The following ATR variants were observed in gnomAD, a reference collection of about 807,000 sequenced individuals.
The protein encoded by ATR is serine/threonine-protein kinase ATR.
In ATR, 142 loss-of-function variants were observed where a neutral mutation model predicts 305.3. That is an observed-to-expected ratio of 0.47 (90% CI 0.41 to 0.53). The LOEUF (loss-of-function observed/expected upper bound fraction) is 0.53. ATR is among the 20% of genes least tolerant of loss of function. ATR has a pLI of 0.00. For synonymous variants in ATR, 1,050 were observed against 1,068.1 expected, an observed-to-expected ratio of 0.98 and a Z score of 0.33; for missense variants, 2,135 against 3,133.1, an observed-to-expected ratio of 0.68 and a Z score of 7.60.
At chr3:142,449,942 A>G (rs2070748912) in intron 46 of ATR, 1 of 371,502 alleles carries the variant, frequency 2.7e-6, no homozygotes, top group Admixed American at 3.9e-5. Flanking sequence ...TATTCAAATA[A>G]CAATGCTGTA....
intron 21 of ATR, among the ~76,000 whole-genome samples, chr3:142,524,402 T>C (rs1227940104): frequency 6.6e-6 from 1 of 152,238 alleles, no homozygotes; most frequent in Non-Finnish European, 1.5e-5. Context: ...TTAGAATCAT[T>C]AAATGTCTGA....
intron 42 of ATR, among the ~76,000 whole-genome samples, chr3:142,460,102 G>A (rs868721814): frequency 6.6e-6 from 1 of 152,068 alleles, no homozygotes; most frequent in Non-Finnish European, 1.5e-5. Flanking sequence ...TGACTCAAGT[G>A]TCTCTGAGTT....
At chr3:142,512,540 G>C (rs2108373167) in intron 26 of ATR, 70 bp from the exon 27 acceptor site, 1 of 1,310,248 alleles carries the variant, frequency 7.6e-7, no homozygotes. Flanking sequence ...GACATCTAAA[G>C]CTAACCATTC....
At chr3:142,554,307 A>G (rs2034584108) in intron 10 of ATR, among the ~76,000 whole-genome samples, 1 of 152,014 alleles carries the variant, frequency 6.6e-6, no homozygotes, top group Non-Finnish European at 1.5e-5. Flanking sequence ...TGCAGCATGC[A>G]GCCCTGACCT....
intron 21 of ATR, among the ~76,000 whole-genome samples, chr3:142,526,408 C>G (rs1458737601): frequency 6.6e-6 from 1 of 151,832 alleles, no homozygotes; most frequent in Non-Finnish European, 1.5e-5. Flanking sequence ...CCCTAAATTC[C>G]TTAGCCAATA....
chr3:142,533,922 G>A (rs1034884432), intron 21 of ATR, among the ~76,000 whole-genome samples: 1 of 151,914 alleles, frequency 6.6e-6, no homozygotes, highest in African/African-American at 2.4e-5. Context: ...TGAGGCAGCT[G>A]CAGCTTTCCT....
intron 36 of ATR, among the ~76,000 whole-genome samples, chr3:142,481,741 C>T (rs539561036): frequency 6.6e-6 from 1 of 152,108 alleles, no homozygotes; most frequent in African/African-American, 2.4e-5. Context: ...CCTTCCATTT[C>T]AGCATCCCAA....
chr3:142,548,454 C>G (rs2034350148), intron 15 of ATR, among the ~76,000 whole-genome samples: 1 of 152,020 alleles, frequency 6.6e-6, no homozygotes, highest in Admixed American at 6.6e-5. Flanking sequence ...GGATCACTTG[C>G]AGCCAGGAGT....
At chr3:142,549,187 T>C (rs2034386765) in intron 15 of ATR, among the ~76,000 whole-genome samples, 1 of 152,166 alleles carries the variant, frequency 6.6e-6, no homozygotes, top group African/African-American at 2.4e-5. Flanking sequence ...GTATCATCAG[T>C]CAACTTATAA....
chr3:142,553,401 A>G lies in ATR; in HGVS notation c.2634-3T>C, dbSNP rs2034547976. On this transcript the variant is annotated splice_polypyrimidine_tract_variant and splice_region_variant and intron_variant, in intron 12 of 46. Coordinates refer to ENST00000350721, the MANE Select transcript of ATR (RefSeq NM_001184.4). ...GTACCAAATCTCCTTTTGCGGCCCT[A>G]AAATTAAAAACAACATACATATGAA... is the stretch of plus-strand genomic sequence containing the variant. 6.2e-7 allele frequency: 1 copy of G among 1,612,860 alleles called. No homozygotes were observed. The highest frequency in any genetic ancestry group is 1.3e-5 in the African/African-American group (1 of 74,834).
intron 35 of ATR, among the ~76,000 whole-genome samples, chr3:142,487,143 ATAT>A (rs1296029207): frequency 1.3e-5 from 2 of 151,922 alleles, no homozygotes; most frequent in African/African-American, 2.4e-5. Flanking sequence ...AAAAAAATAC[ATAT>A]TATTATTAGA....
chr3:142,530,839 C>A (rs1376520842), intron 21 of ATR, among the ~76,000 whole-genome samples: 1 of 152,122 alleles, frequency 6.6e-6, no homozygotes, highest in Non-Finnish European at 1.5e-5. Flanking sequence ...TTTCAAGTAC[C>A]TTCCCTGTAG....
chr3:142,556,328 C>G (rs2034671059), intron 9 of ATR, 55 bp downstream of exon 9: 1 of 1,563,952 alleles, frequency 6.4e-7, no homozygotes, highest in South Asian at 1.1e-5. Context: ...CATAGCCAGA[C>G]AATTATGATC....
rs2034646764 is a variant in ATR, at chr3:142,555,758, G to C, written c.2341+119C>G. The C allele has an allele frequency of 1.4e-5, 17 of 1,249,752 alleles. No homozygotes were observed. In the South Asian group the frequency reaches 2.4e-4, roughly 18 times the overall value. The allele number at this position is 1,249,752 out of a possible 1,614,324, so 77.4% of individuals were successfully genotyped here. ...TTATAACTAATCAATACTGAGCACTGAATCTATAAAGCATGTAACTTCCTG... is the reference window on the plus strand; with the variant it reads ...TTATAACTAATCAATACTGAGCACTCAATCTATAAAGCATGTAACTTCCTG... On this transcript the variant is annotated intron_variant, in intron 10 of 46. Transcript: ENST00000350721.
At chr3:142,467,688 G>T (rs897041165) in intron 39 of ATR, among the ~76,000 whole-genome samples, 4 of 151,946 alleles carry the variant, frequency 2.6e-5, no homozygotes, top group Non-Finnish European at 5.9e-5. Context: ...TCTACTCTCG[G>T]AAAATTCTTA....
chr3:142,577,000 T>C (rs1489912890), intron 1 of ATR, among the ~76,000 whole-genome samples: 1 of 152,232 alleles, frequency 6.6e-6, no homozygotes, highest in African/African-American at 2.4e-5. Flanking sequence ...AGCTCTGTTA[T>C]CTGCTAGCTG....
At chr3:142,514,440 G>C (rs2032759999) in intron 25 of ATR, among the ~76,000 whole-genome samples, 1 of 151,790 alleles carries the variant, frequency 6.6e-6, no homozygotes, top group Non-Finnish European at 1.5e-5. Context: ...GACCATCCTG[G>C]CTAACACGGT....
intron 1 of ATR, among the ~76,000 whole-genome samples, chr3:142,568,799 G>A (rs1411766072): frequency 2.0e-5 from 3 of 152,266 alleles, no homozygotes; most frequent in Non-Finnish European, 4.4e-5. Context: ...GAGCCCAGGT[G>A]TTGTCAGGAC....
chr3:142,556,909 C>T (rs1577692034), intron 8 of ATR, among the ~76,000 whole-genome samples: 4 of 152,172 alleles, frequency 2.6e-5, no homozygotes, highest in Admixed American at 2.6e-4. Context: ...TTAAAGTCAG[C>T]TAAGTGTCAG....
Sources: allele counts gnomAD v4.1 joint callset (sites outside exome capture counted in the v4.1 genomes callset), GRCh38; gene constraint gnomAD v4.1.1; transcripts MANE v1.5; gene names NCBI Gene and HGNC (gene_info 2026-07-23, HGNC 2026-07-21).